SUCO: variants seen among roughly 807,000 people sequenced by gnomAD.
SUCO encodes SUN domain containing ossification factor.
In SUCO, 57 loss-of-function variants were observed where a neutral mutation model predicts 148.1. That is an observed-to-expected ratio of 0.38 (90% CI 0.31 to 0.48). The LOEUF (loss-of-function observed/expected upper bound fraction) is 0.48. SUCO is among the 20% of genes least tolerant of loss of function. The probability of loss-of-function intolerance (pLI) is 0.96; values close to 1 mark genes in which losing one functional copy is unlikely to be tolerated. For synonymous variants in SUCO, 470 were observed against 502.7 expected (o/e 0.93, Z 0.87); for missense variants, 1,331 against 1,468.2 (o/e 0.91, Z 1.53).
In SUCO at chr1:172,585,926, T is replaced by C. The variant is rs1656204773; in HGVS notation, c.1636T>C (p.Ser546Pro). Residue 546 changes from serine to proline, a missense_variant, in exon 17 of 24, where the codon TCA becomes CCA. By Grantham distance (74) the Ser-to-Pro change is moderately conservative. Coordinates refer to ENST00000263688, the MANE Select transcript of SUCO (RefSeq NM_014283.5). ...APKMPESTPVSTPVPSPEYVT... is the reference protein window; with the variant it reads ...APKMPESTPVPTPVPSPEYVT... ...TAAAATGCCTGAATCAACTCCTGTT[T>C]CAACTCCTGTTCCATCTCCTGAGTA... The C allele has an allele frequency of 6.2e-7, 1 of 1,609,614 alleles. No individual in the cohort carries two copies. Among genetic ancestry groups the C allele is most frequent in the African/African-American group, 1.3e-5 (1 of 74,740 alleles).
chr1:172,533,571 T>C, intron 1 of SUCO, 74 bp downstream of exon 1: 1 of 1,441,576 alleles, frequency 6.9e-7, no homozygotes, highest in East Asian at 2.5e-5. Flanking sequence ...TCACACCCCC[T>C]GGTCATTTTG....
intron 11 of SUCO, among the ~76,000 whole-genome samples, chr1:172,576,437 A>G (rs1655445935): frequency 6.6e-6 from 1 of 151,670 alleles, no homozygotes; most frequent in Non-Finnish European, 1.5e-5. Context: ...GTAAACTTGT[A>G]GTATTCTTAA....
Position 172,557,637 on chromosome 1 carries a change from T to G in SUCO, c.582-7T>G, listed in dbSNP as rs1653848490. On this transcript the variant is annotated splice_region_variant and splice_polypyrimidine_tract_variant and intron_variant, in intron 5 of 23. Coordinates refer to ENST00000263688, the MANE Select transcript of SUCO (RefSeq NM_014283.5). ...GTTTATTTAATATATCTTTTGGTTT[T>G]AAACAGCCTTGTTGGCCAGCATATA... 2 of 1,582,784 alleles carry G rather than the reference T, an allele frequency of 1.3e-6. No individual in the cohort carries two copies. The highest frequency in any genetic ancestry group is 2.7e-5 in the African/African-American group (2 of 73,154).
In SUCO at chr1:172,609,825, T is replaced by C. The variant is rs762829653; in HGVS notation, c.3331T>C (p.Cys1111Arg). 2.5e-6 allele frequency: 4 copies of C among 1,594,970 alleles called. No individual in the cohort carries two copies. The highest frequency in any genetic ancestry group is 8.5e-7 in the Non-Finnish European group (1 of 1,174,418). ...TTTACTTGTGTTGTAGAAGAAGCGC[T>C]GCAAGTACAAAATTGAAAAAATTGA... is the stretch of plus-strand genomic sequence containing the variant. ...KFSPEKKKKR[C>R]KYKIEKIETI... Residue 1111 changes from cysteine to arginine, a missense_variant, in exon 24 of 24, where the codon TGC becomes CGC. Physicochemically the swap from Cys to Arg is radical, Grantham distance 180. Around this residue, in one of 3 missense-constraint regions of SUCO, gnomAD observed 334 missense variants for 352.3 expected, o/e 0.95. Coordinates refer to ENST00000263688, the MANE Select transcript of SUCO (RefSeq NM_014283.5).
rs1658116395 is a variant in SUCO, at chr1:172,610,053, CTG to C, written c.3562_3563del (p.Cys1188GlnfsTer10). 1 of 1,613,888 alleles carries C rather than the reference CTG, an allele frequency of 6.2e-7. No individual in the cohort carries two copies. The highest frequency in any genetic ancestry group is 8.5e-7 in the Non-Finnish European group (1 of 1,179,878). On this transcript the variant is annotated frameshift_variant, in exon 24 of 24. Coordinates refer to ENST00000263688, the MANE Select transcript of SUCO (RefSeq NM_014283.5). LOFTEE classifies it high-confidence loss of function. ...TTGTGGCATTTCAGCTTGCACAAGT[CTG>C]TGCAATGGACAGTCTCAAAAGACAA... ...YFCGISACTS[L>X]CNGQSQKTKT...
At chr1:172,600,696 ATGTGTGTGTGTGTGTGTG>A (rs61681764) in intron 20 of SUCO, among the ~76,000 whole-genome samples, 14 of 148,954 alleles carry the variant, frequency 9.4e-5, no homozygotes, top group Non-Finnish European at 1.8e-4. Context: ...AGAAAATTAA[ATGTGTGTGTGTGTGTGTG>A]TGTGTGTGTG....
chr1:172,602,590 G>A (rs561119555), intron 21 of SUCO, 106 bp from the exon 22 acceptor site: 190 of 1,493,960 alleles, frequency 1.3e-4, no homozygotes, highest in Middle Eastern at 3.6e-4. Context: ...AGTTAGTCCC[G>A]TGTGGTATGT....
At position 172,610,181 on chromosome 1, in the gene SUCO, C is replaced by A; in HGVS notation, c.3687C>A (p.Ser1229Arg). 1.2e-6 allele frequency: 2 copies of A among 1,613,342 alleles called. No individual in the cohort carries two copies. Among genetic ancestry groups the A allele is most frequent in the Non-Finnish European group, 1.7e-6 (2 of 1,179,760 alleles). ...AGACTAAGTCGGGATCATTGCCGAG[C>A]CTGCATGACATAATCAAAGGAAACA... ...LIQTKSGSLPSLHDIIKGNKE... is the reference protein window; with the variant it reads ...LIQTKSGSLPRLHDIIKGNKE... The change falls in exon 24 of 24, where the codon AGC becomes AGA. Residue 1229 changes from serine (S) to arginine (R), a missense_variant. Physicochemically the swap from Ser to Arg is moderately radical, Grantham distance 110. Transcript: ENST00000263688.
intron 1 of SUCO, among the ~76,000 whole-genome samples, chr1:172,538,809 T>A (rs1403798700): frequency 6.6e-6 from 1 of 152,210 alleles, no homozygotes; most frequent in Non-Finnish European, 1.5e-5. Context: ...TTTTTATTTA[T>A]AAGAGGTGTC....
At position 172,602,098 on chromosome 1, in the gene SUCO, T is replaced by G; in HGVS notation, c.3053T>G (p.Leu1018Trp). 1.9e-6 allele frequency: 3 copies of G among 1,612,852 alleles called. No homozygotes were observed. The highest frequency in any genetic ancestry group is 2.5e-6 in the Non-Finnish European group (3 of 1,179,516). ...CGACAAAGCTATCTTGTCATATCTTTGGTTCTTTGTGTTGTCTTGGGACTG... is the reference window on the plus strand; with the variant it reads ...CGACAAAGCTATCTTGTCATATCTTGGGTTCTTTGTGTTGTCTTGGGACTG... ...SDRQSYLVIS[L>W]VLCVVLGLML... Residue 1018 changes from leucine to tryptophan, a missense_variant, in exon 21 of 24, where the codon TTG becomes TGG. Leu to Trp is a moderately conservative substitution (Grantham distance 61). This residue lies in a region of SUCO where 334 missense variants were observed against 352.3 expected (regional missense o/e 0.95). Transcript: ENST00000263688.
intron 11 of SUCO, 44 bp downstream of exon 11, chr1:172,575,667 A>C: frequency 2.9e-6 from 4 of 1,362,152 alleles, no homozygotes; most frequent in Non-Finnish European, 3.1e-6. Context: ...ATGAAAATAT[A>C]CGTGTTATTC....
intron 17 of SUCO, 74 bp from the exon 18 acceptor site, chr1:172,588,686 T>G (rs925714562): frequency 4.5e-5 from 58 of 1,296,500 alleles, no homozygotes; most frequent in Non-Finnish European, 5.7e-5. Flanking sequence ...ATGGATACAT[T>G]TATTTTTCTT....
chr1:172,566,388 C>G (rs930487936), intron 6 of SUCO, among the ~76,000 whole-genome samples: 3 of 152,224 alleles, frequency 2.0e-5, no homozygotes, highest in African/African-American at 7.2e-5. Context: ...TCTTGCCTCT[C>G]CTCCAGTCAC....
chr1:172,585,753 C>G, intron 16 of SUCO, 105 bp from the exon 17 acceptor site: 5 of 709,238 alleles, frequency 7.0e-6, no homozygotes, highest in Admixed American at 5.4e-5. Flanking sequence ...AGTAGCAAAC[C>G]TATTTGGCTT....
At chr1:172,602,290 C>T in intron 21 of SUCO, 72 bp downstream of exon 21, 4 of 1,414,810 alleles carry the variant, frequency 2.8e-6, no homozygotes, top group African/African-American at 1.5e-5. Flanking sequence ...AAATTTTAAG[C>T]AAATAAAGGG....
In SUCO at chr1:172,574,544, A is replaced by G. The variant is rs575911103; in HGVS notation, c.1157+546A>G. ...TCAACCAGAGATAGCCCTTATTAGC[A>G]TTTTAATATATTTCTTCCAGTCTTT... On this transcript the variant is annotated intron_variant, in intron 10 of 23. Transcript: ENST00000263688. 2.0e-5 allele frequency among the ~76,000 whole-genome samples: 3 copies of G among 152,126 alleles called. No individual in the cohort carries two copies. The South Asian group carries it at 6.2e-4, about 31-fold the overall frequency.
chr1:172,550,841 A>AT, intron 1 of SUCO: 1 of 931,536 alleles, frequency 1.1e-6, no homozygotes, highest in East Asian at 1.2e-4. Context: ...ATCGTAACAT[A>AT]TTTTTCCTTG....
At chr1:172,554,147 A>C (rs541476836) in intron 3 of SUCO, among the ~76,000 whole-genome samples, 1 of 152,332 alleles carries the variant, frequency 6.6e-6, no homozygotes, top group African/African-American at 2.4e-5. Context: ...CTATTTTATA[A>C]CTTACTGAGT....
intron 4 of SUCO, chr1:172,556,632 C>T (rs974580987): frequency 2.0e-6 from 2 of 984,640 alleles, no homozygotes; most frequent in Non-Finnish European, 2.4e-6. Context: ...TGGTACATAA[C>T]TCAAGAATGT....
Sources: allele counts gnomAD v4.1 joint callset (sites outside exome capture counted in the v4.1 genomes callset), GRCh38; gene constraint gnomAD v4.1.1; regional missense constraint gnomAD v4.1.1; transcripts MANE v1.5; gene names NCBI Gene and HGNC (gene_info 2026-07-23, HGNC 2026-07-21).